SLIT2: variants seen among roughly 807,000 people sequenced by gnomAD.
The protein encoded by SLIT2 is slit homolog 2 protein.
SLIT2 carries 41 observed loss-of-function variants against 185.7 expected under a neutral mutation model. The observed-to-expected ratio is 0.22, with a 90% CI of 0.17 to 0.29. The LOEUF (loss-of-function observed/expected upper bound fraction) is 0.29, where lower values mean the gene tolerates loss of function less well. Ranked by LOEUF, SLIT2 falls within the 10% of genes least tolerant of loss-of-function variation. The pLI, the probability that SLIT2 is intolerant of heterozygous loss-of-function variation, is 1.00. For missense variants in SLIT2, 1,571 were observed against 1,909.0 expected, an observed-to-expected ratio of 0.82 and a Z score of 3.30; for synonymous variants, 693 against 680.2, an observed-to-expected ratio of 1.02 and a Z score of -0.29.
At chr4:20,357,023 A>G (rs1054369037) in intron 4 of SLIT2, among the ~76,000 whole-genome samples, 1 of 152,248 alleles carries the variant, frequency 6.6e-6, no homozygotes, top group Non-Finnish European at 1.5e-5. Flanking sequence ...TAAAACAAAT[A>G]CAATTTTTCT....
intron 4 of SLIT2, among the ~76,000 whole-genome samples, chr4:20,319,131 A>G (rs1035359392): frequency 2.6e-5 from 4 of 152,142 alleles, no homozygotes; most frequent in African/African-American, 9.7e-5. Flanking sequence ...TGTTGTTATT[A>G]TTTTACATTT....
intron 4 of SLIT2, among the ~76,000 whole-genome samples, chr4:20,371,591 G>C (rs1723580886): frequency 6.6e-6 from 1 of 151,934 alleles, no homozygotes; most frequent in South Asian, 2.1e-4. Context: ...ACTTTTTCAG[G>C]CTTCCTGTGC....
chr4:20,434,408 C>T (rs1729208959), intron 4 of SLIT2, among the ~76,000 whole-genome samples: 1 of 152,082 alleles, frequency 6.6e-6, no homozygotes, highest in Non-Finnish European at 1.5e-5. Flanking sequence ...ATCACTTGAA[C>T]CCGGGAGGCA....
chr4:20,254,029 T>C lies in SLIT2; in HGVS notation c.179+35T>C, dbSNP rs1312250220. The C allele has an allele frequency of 1.3e-6, 2 of 1,580,694 alleles. No homozygotes were observed. Among genetic ancestry groups the C allele is most frequent in the South Asian group, 1.1e-5 (1 of 89,440 alleles). On this transcript the variant is annotated intron_variant, in intron 1 of 36. Transcript: ENST00000504154. The surrounding 1 kb of genome is among the most constrained non-coding windows in gnomAD (Gnocchi z 5.1). ...CGCTCTTCGTCTTCCCCTCTCCCCA[T>C]CCGGGCCGCGCACCCCTGCCTCCAC...
Position 20,542,510 on chromosome 4 carries a change from T to C in SLIT2, c.2160T>C (p.Ser720=). 6.2e-7 allele frequency: 1 copy of C among 1,613,696 alleles called. No individual in the cohort carries two copies. Among genetic ancestry groups the C allele is most frequent in the Non-Finnish European group, 8.5e-7 (1 of 1,179,724 alleles). ...GCGATTTAGGAAATGATGACAATAG[T>C]TGCTCCCCACTTTCTCGCTGTCCTA... The part of the protein sequence containing the change: ...FTCDDGNDDN[S]CSPLSRCPTE... Residue 720 remains serine (S), a synonymous_variant, in exon 21 of 37, where the codon AGT becomes AGC. Coordinates refer to ENST00000504154, the MANE Select transcript of SLIT2 (RefSeq NM_004787.4).
chr4:20,338,450 C>G (rs1209514641), intron 4 of SLIT2, among the ~76,000 whole-genome samples: 1 of 152,048 alleles, frequency 6.6e-6, no homozygotes, highest in African/African-American at 2.4e-5. Flanking sequence ...CAGGGTATTC[C>G]CAGCATCACA....
intron 25 of SLIT2, among the ~76,000 whole-genome samples, chr4:20,553,028 C>T (rs1214069906): frequency 2.0e-5 from 3 of 152,282 alleles, no homozygotes; most frequent in Non-Finnish European, 4.4e-5. Flanking sequence ...ACCTTGATTA[C>T]TTTCCTGTCA....
intron 26 of SLIT2, among the ~76,000 whole-genome samples, chr4:20,561,394 C>A (rs1478093422): frequency 2.0e-5 from 3 of 151,640 alleles, no homozygotes; most frequent in Non-Finnish European, 4.4e-5. Context: ...TATTGTTTTT[C>A]TTAGCAAGTT....
At chr4:20,411,459 CA>C (rs1727251985) in intron 4 of SLIT2, among the ~76,000 whole-genome samples, 1 of 152,156 alleles carries the variant, frequency 6.6e-6, no homozygotes, top group African/African-American at 2.4e-5. Flanking sequence ...ACTTCAAAGC[CA>C]GGGGGTCTGG....
rs907425712 is a variant in SLIT2, at chr4:20,454,611, A to G, written c.396-13141A>G. Among the ~76,000 whole-genome samples, 5 of 152,216 alleles carry G rather than the reference A, an allele frequency of 3.3e-5. No individual in the cohort carries two copies. The East Asian group carries it at 9.6e-4, about 29-fold the overall frequency. ...AGACTCTAAGAGAGGTTAAACCATGAAGGAAAATAAAATTACCAGTAATTA... is the reference window on the plus strand; with the variant it reads ...AGACTCTAAGAGAGGTTAAACCATGGAGGAAAATAAAATTACCAGTAATTA... On this transcript the variant is annotated intron_variant, in intron 4 of 36. Transcript: ENST00000504154.
chr4:20,616,616 A>G (rs2148989585), intron 34 of SLIT2: 1 of 270,760 alleles, frequency 3.7e-6, no homozygotes, highest in East Asian at 6.9e-5. Context: ...TCTAGGTTTT[A>G]TATATTTGTG....
chr4:20,509,028 A>G lies in SLIT2; in HGVS notation c.915-1467A>G, dbSNP rs559155353. ...TTAAATGTTACGCGTGTGTGTGTGC[A>G]TGTGTGTGTGTGTGTATGCGTTAAA... On this transcript the variant is annotated intron_variant, in intron 9 of 36. Coordinates refer to ENST00000504154, the MANE Select transcript of SLIT2 (RefSeq NM_004787.4). 8.2e-4 allele frequency among the ~76,000 whole-genome samples: 123 copies of G among 150,544 alleles called. 1 individual carries two copies. In the South Asian group the frequency reaches 0.023, roughly 28 times the overall value.
chr4:20,472,392 A>ATC (rs1560453801), intron 5 of SLIT2, among the ~76,000 whole-genome samples: 13 of 72,102 alleles, frequency 1.8e-4, no homozygotes, highest in African/African-American at 3.2e-4. Context: ...ATATGTAGAT[A>ATC]TATAGATATA....
intron 4 of SLIT2, among the ~76,000 whole-genome samples, chr4:20,431,999 C>G (rs1729025609): frequency 1.5e-5 from 2 of 133,168 alleles, no homozygotes; most frequent in African/African-American, 2.7e-5. Flanking sequence ...ATCTCTCACT[C>G]TCTGTGTGTG....
chr4:20,468,871 A>C (rs1048341232), intron 5 of SLIT2, among the ~76,000 whole-genome samples: 2 of 150,972 alleles, frequency 1.3e-5, no homozygotes, highest in Non-Finnish European at 3.0e-5. Context: ...TTTCAGTAGC[A>C]AAAGTAAGAC....
chr4:20,280,808 G>A (rs1714674526), intron 4 of SLIT2, among the ~76,000 whole-genome samples: 1 of 148,162 alleles, frequency 6.7e-6, no homozygotes, highest in Admixed American at 6.7e-5. Flanking sequence ...AATGTGAATT[G>A]TTTGAAGGCT....
At chr4:20,460,624 A>T (rs1376814886) in intron 4 of SLIT2, among the ~76,000 whole-genome samples, 3 of 152,044 alleles carry the variant, frequency 2.0e-5, no homozygotes, top group Non-Finnish European at 4.4e-5. Context: ...CGTCTCCCCA[A>T]CCTGCTTCAC....
At chr4:20,303,731 T>C (rs1717274359) in intron 4 of SLIT2, among the ~76,000 whole-genome samples, 1 of 152,180 alleles carries the variant, frequency 6.6e-6, no homozygotes. Context: ...CTTCTTTCTG[T>C]CTATGTGGGT....
chr4:20,374,041 T>G (rs963449068), intron 4 of SLIT2, among the ~76,000 whole-genome samples: 4 of 152,236 alleles, frequency 2.6e-5, no homozygotes, highest in Middle Eastern at 3.4e-3. Context: ...TTAAACTGCC[T>G]AAGTGTGAAT....
Sources: gnomAD v4.1 joint callset for allele counts (sites outside exome capture counted in the v4.1 genomes callset) on GRCh38, gnomAD v4.1.1 for gene constraint, Gnocchi (gnomAD v3.1) non-coding constraint, MANE v1.5 for transcripts, NCBI Gene and HGNC (gene_info 2026-07-23, HGNC 2026-07-21) for gene names.